The following LIN52 variants were observed in gnomAD, a reference collection of about 807,000 sequenced individuals.
LIN52 encodes protein lin-52 homolog.
LIN52 carries 4 observed loss-of-function variants against 18.5 expected under a neutral mutation model. The observed-to-expected ratio is 0.22, with a 90% confidence interval of 0.11 to 0.49. The LOEUF is 0.49. Among genes scored for constraint, LIN52 ranks in the 20% least tolerant of loss-of-function variants. LIN52 has a pLI of 0.97. For synonymous variants in LIN52, 34 were observed against 45.5 expected (o/e 0.75, Z 1.02); for missense variants, 102 against 139.5 (o/e 0.73, Z 1.35).
intron 5 of LIN52, among the ~76,000 whole-genome samples, chr14:74,140,839 T>A (rs1362952368): frequency 6.6e-6 from 1 of 152,224 alleles, no homozygotes; most frequent in Non-Finnish European, 1.5e-5. Context: ...CCTGAGATCT[T>A]TATGGCCCTG....
chr14:74,160,060 T>C (rs568029454), intron 5 of LIN52, among the ~76,000 whole-genome samples: 2 of 152,338 alleles, frequency 1.3e-5, no homozygotes, highest in East Asian at 3.9e-4. Flanking sequence ...AAAAGATATG[T>C]TGGAGTCCTC....
chr14:74,112,734 C>CCT (rs1466201343), intron 5 of LIN52, among the ~76,000 whole-genome samples: 1 of 152,108 alleles, frequency 6.6e-6, no homozygotes, highest in African/African-American at 2.4e-5. Context: ...TGTTCAGCAA[C>CCT]TGTTTGGGTG....
chr14:74,131,615 G>A (rs764715697), intron 5 of LIN52, among the ~76,000 whole-genome samples: 3 of 152,144 alleles, frequency 2.0e-5, no homozygotes, highest in Admixed American at 1.3e-4. Flanking sequence ...GCACCTGGCC[G>A]TAGGCTTAAA....
intron 5 of LIN52, among the ~76,000 whole-genome samples, chr14:74,124,837 G>A (rs1038063379): frequency 8.4e-6 from 1 of 118,434 alleles, no homozygotes; most frequent in Non-Finnish European, 1.8e-5. Flanking sequence ...AAAAAAAGCT[G>A]AGAGGCTCTT....
chr14:74,126,487 G>A (rs995641096), intron 5 of LIN52, among the ~76,000 whole-genome samples: 5 of 152,154 alleles, frequency 3.3e-5, no homozygotes, highest in African/African-American at 9.7e-5. Context: ...CAACCCAAGT[G>A]TCCATCAACA....
In LIN52 at chr14:74,201,023, C is replaced by G. The variant is rs958852868; in HGVS notation, c.*2046C>G. ...TTGTCCTCTTTCTTTTACCGTCATC[C>G]TATTCACCAGCACTTAATGTAAGTA... On this transcript the variant is annotated 3_prime_UTR_variant, in exon 6 of 6. Coordinates refer to ENST00000555028, the MANE Select transcript of LIN52 (RefSeq NM_001024674.3). 3.1e-4 allele frequency: 47 copies of G among 152,180 alleles called. No homozygotes were observed. Among genetic ancestry groups the G allele is most frequent in the African/African-American group, 1.1e-3 (46 of 41,446 alleles). 9.4% of individuals were successfully genotyped at this position (152,180 alleles called of 1,614,324 possible).
intron 5 of LIN52, among the ~76,000 whole-genome samples, chr14:74,142,710 C>T (rs888679366): frequency 1.3e-5 from 2 of 151,420 alleles, no homozygotes; most frequent in African/African-American, 4.9e-5. Context: ...TTTGTATTCT[C>T]TGAGCTAAGA....
At chr14:74,104,822 T>C (rs962497513) in intron 5 of LIN52, among the ~76,000 whole-genome samples, 1 of 152,042 alleles carries the variant, frequency 6.6e-6, no homozygotes, top group African/African-American at 2.4e-5. Flanking sequence ...GCTTAACAAA[T>C]GATGGGGAAA....
rs753369692 is a variant in LIN52 at position 74,092,737 on chromosome 14, C to G, written c.94+1431C>G. On this transcript the variant is annotated intron_variant, in intron 2 of 5. Transcript: ENST00000555028. ...TTTGAGACCAGCCTCGCCAACATGG[C>G]GAAACCCTGTCTCTATCAAAAATAC... Among the ~76,000 whole-genome samples, 5 of 151,464 alleles carry G rather than the reference C, an allele frequency of 3.3e-5. No individual in the cohort carries two copies. In the South Asian group the frequency reaches 1.0e-3, roughly 32 times the overall value.
In LIN52 at chr14:74,168,066, A is replaced by G. The variant is rs896847136; in HGVS notation, c.284-30856A>G. Among the ~76,000 whole-genome samples, 7 of 152,346 alleles carry G rather than the reference A, an allele frequency of 4.6e-5. No individual in the cohort carries two copies. The East Asian group carries it at 1.3e-3, about 29-fold the overall frequency. ...ACCCTCAAGAAGTACTGAGTTTCCT[A>G]TCAGTGGTAATGCTCAGGCAGAGCT... is the stretch of plus-strand genomic sequence containing the variant. On this transcript the variant is annotated intron_variant, in intron 5 of 5. Coordinates refer to ENST00000555028, the MANE Select transcript of LIN52 (RefSeq NM_001024674.3).
At chr14:74,159,070 T>C (rs115414060) in intron 5 of LIN52, among the ~76,000 whole-genome samples, 3,159 of 152,288 alleles carry the variant, frequency 0.021, 96 homozygotes, top group African/African-American at 0.071. Flanking sequence ...AAAGGCTCTG[T>C]ATTCCTAGTG....
chr14:74,102,522 A>G (rs2060865237), intron 5 of LIN52, among the ~76,000 whole-genome samples: 1 of 152,340 alleles, frequency 6.6e-6, no homozygotes, highest in Non-Finnish European at 1.5e-5. Flanking sequence ...TACCTTGGCA[A>G]AATTACTAGT....
At chr14:74,135,001 C>A (rs1055430668) in intron 5 of LIN52, among the ~76,000 whole-genome samples, 1 of 152,160 alleles carries the variant, frequency 6.6e-6, no homozygotes, top group Admixed American at 6.5e-5. Context: ...CTCAACAAAT[C>A]CCTCAAGAAT....
chr14:74,085,783 T>G (rs1292325252), intron 1 of LIN52, among the ~76,000 whole-genome samples: 1 of 152,254 alleles, frequency 6.6e-6, no homozygotes, highest in African/African-American at 2.4e-5. Flanking sequence ...CAGTCATTTT[T>G]AAACTCATTT....
chr14:74,155,410 C>T (rs2061195288), intron 5 of LIN52, among the ~76,000 whole-genome samples: 1 of 152,178 alleles, frequency 6.6e-6, no homozygotes, highest in Admixed American at 6.5e-5. Context: ...GGGGCATGGC[C>T]CCTTGGGAAA....
At chr14:74,095,528 G>T (rs1327319001) in intron 2 of LIN52, among the ~76,000 whole-genome samples, 4 of 152,086 alleles carry the variant, frequency 2.6e-5, no homozygotes, top group African/African-American at 9.7e-5. Context: ...AAAATGCCCA[G>T]CCCTGATTTT....
At chr14:74,192,701 G>C (rs1488376422) in intron 5 of LIN52, 1 of 265,596 alleles carries the variant, frequency 3.8e-6, no homozygotes, top group African/African-American at 2.3e-5. Context: ...GTGAACAACA[G>C]TATATCAATG....
chr14:74,091,439 G>T (rs1323390229), intron 2 of LIN52, 133 bp downstream of exon 2: 2 of 600,336 alleles, frequency 3.3e-6, no homozygotes, highest in Non-Finnish European at 5.7e-6. Context: ...GCAGTGGGGG[G>T]TTGTATACAA....
At chr14:74,176,797 A>G (rs911302732) in intron 5 of LIN52, among the ~76,000 whole-genome samples, 13 of 152,302 alleles carry the variant, frequency 8.5e-5, no homozygotes, top group Admixed American at 1.3e-4. Context: ...TAATATTTCT[A>G]TCACCCCAAA....
Sources: gnomAD v4.1 joint callset for allele counts (sites outside exome capture counted in the v4.1 genomes callset) on GRCh38, gnomAD v4.1.1 for gene constraint, MANE v1.5 for transcripts, NCBI Gene and HGNC (gene_info 2026-07-23, HGNC 2026-07-21) for gene names.